The following DNAH7 variants were observed in gnomAD, a reference collection of about 807,000 sequenced individuals.
DNAH7 encodes the protein axonemal beta dynein heavy chain 7.
In DNAH7, 397 loss-of-function variants were observed where a neutral mutation model predicts 444.6. That is an observed-to-expected ratio of 0.89 (90% CI 0.82 to 0.97). The LOEUF is 0.97. DNAH7 is among the 50% of genes least tolerant of loss of function. DNAH7 has a pLI of 0.00. For synonymous variants in DNAH7, 1,636 were observed against 1,624.4 expected, an observed-to-expected ratio of 1.01 and a Z score of -0.17; for missense variants, 4,902 against 4,800.8, an observed-to-expected ratio of 1.02 and a Z score of -0.62.
intron 19 of DNAH7, among the ~76,000 whole-genome samples, chr2:195,949,494 G>C (rs1447690273): frequency 1.3e-5 from 2 of 152,280 alleles, no homozygotes; most frequent in East Asian, 3.9e-4. Context: ...TTGTTGGTCA[G>C]GCCGGTCTCG....
intron 54 of DNAH7, 138 bp downstream of exon 54, chr2:195,806,602 T>A: frequency 1.8e-6 from 1 of 568,278 alleles, no homozygotes; most frequent in Non-Finnish European, 2.9e-6. Context: ...AAAAAATGTC[T>A]GCATTAGAAA....
chr2:195,837,890 G>A (rs1193368652), intron 47 of DNAH7, among the ~76,000 whole-genome samples: 1 of 152,012 alleles, frequency 6.6e-6, no homozygotes, highest in Non-Finnish European at 1.5e-5. Context: ...ATGAAATTGT[G>A]CAATAGCAAG....
intron 62 of DNAH7, among the ~76,000 whole-genome samples, chr2:195,755,707 A>G (rs1694037068): frequency 6.6e-6 from 1 of 152,234 alleles, no homozygotes; most frequent in Non-Finnish European, 1.5e-5. Context: ...CCAGACAATT[A>G]GTAGATAGGC....
intron 29 of DNAH7, among the ~76,000 whole-genome samples, chr2:195,896,451 A>C (rs1039117626): frequency 6.6e-6 from 1 of 152,024 alleles, no homozygotes; most frequent in Non-Finnish European, 1.5e-5. Context: ...ACAAAGTCAC[A>C]AAGGTTTTCT....
rs536774998 is a variant in DNAH7, at chr2:195,844,864, T to C, written c.8945+138A>G. 57 of 658,756 alleles carry C rather than the reference T, an allele frequency of 8.7e-5. No homozygotes were observed. In the African/African-American group the frequency reaches 8.8e-4, roughly 10 times the overall value. The allele number at this position is 658,756 out of a possible 1,614,324, so 40.8% of individuals were successfully genotyped here. A position where few individuals can be genotyped will look rare whatever the true frequency, so the allele number is the denominator to read the frequency against. On this transcript the variant is annotated intron_variant, in intron 47 of 64. Transcript: ENST00000312428. ...AATATTAATAAGAGAAGGAAGTGAT[T>C]ACTCATACTTAATTTCACTAATTAG...
chr2:195,821,576 T>C (rs1574494521), intron 49 of DNAH7, among the ~76,000 whole-genome samples: 2 of 152,204 alleles, frequency 1.3e-5, no homozygotes, highest in Admixed American at 1.3e-4. Context: ...AGGGCTCATA[T>C]ATCACAGGAG....
chr2:196,045,533 A>G (rs1394482682), intron 5 of DNAH7, among the ~76,000 whole-genome samples: 1 of 152,086 alleles, frequency 6.6e-6, no homozygotes, highest in Non-Finnish European at 1.5e-5. Flanking sequence ...CTTAAAAAAA[A>G]TACAGAGAGA....
chr2:195,838,458 C>T (rs541843000), intron 47 of DNAH7, among the ~76,000 whole-genome samples: 5 of 150,898 alleles, frequency 3.3e-5, no homozygotes, highest in Non-Finnish European at 5.9e-5. Context: ...GAGACATTCT[C>T]AGGAGAAAAA....
chr2:195,819,267 T>C (rs1464728400), intron 49 of DNAH7, among the ~76,000 whole-genome samples: 2 of 152,162 alleles, frequency 1.3e-5, no homozygotes, highest in African/African-American at 4.8e-5. Context: ...TTACAGCACA[T>C]ATTACACTGT....
intron 5 of DNAH7, among the ~76,000 whole-genome samples, chr2:196,037,512 A>T (rs1255370832): frequency 6.6e-6 from 1 of 152,150 alleles, no homozygotes; most frequent in Non-Finnish European, 1.5e-5. Flanking sequence ...AATCAGAAAA[A>T]CTCATAAGCT....
At chr2:195,782,766 C>G (rs1441762611) in intron 58 of DNAH7, among the ~76,000 whole-genome samples, 1 of 152,174 alleles carries the variant, frequency 6.6e-6, no homozygotes, top group Non-Finnish European at 1.5e-5. Context: ...ATTTACTCAG[C>G]TTGCTCGCTC....
intron 45 of DNAH7, 150 bp downstream of exon 45, chr2:195,855,661 C>T: frequency 4.1e-6 from 3 of 724,106 alleles, no homozygotes; most frequent in Non-Finnish European, 4.3e-6. Flanking sequence ...CACACGAAAA[C>T]AGGCGATGGG....
intron 17 of DNAH7, among the ~76,000 whole-genome samples, chr2:195,965,517 C>G (rs1487414238): frequency 6.6e-6 from 1 of 151,936 alleles, no homozygotes; most frequent in Non-Finnish European, 1.5e-5. Context: ...CTATATTTTT[C>G]AGAATAGTTT....
At chr2:195,779,173 T>C (rs1186266323) in intron 58 of DNAH7, among the ~76,000 whole-genome samples, 6 of 152,222 alleles carry the variant, frequency 3.9e-5, no homozygotes, top group African/African-American at 1.2e-4. Flanking sequence ...CACAAATTCC[T>C]ATATGACTTC....
At chr2:195,898,246 A>AT (rs879273101) in intron 28 of DNAH7, among the ~76,000 whole-genome samples, 18 of 151,672 alleles carry the variant, frequency 1.2e-4, no homozygotes, top group African/African-American at 1.9e-4. Context: ...GTTAGGCACA[A>AT]TTTTTTTTTC....
At chr2:196,021,550 A>C (rs1027308999) in intron 8 of DNAH7, among the ~76,000 whole-genome samples, 4 of 151,914 alleles carry the variant, frequency 2.6e-5, no homozygotes, top group African/African-American at 7.3e-5. Flanking sequence ...CCAGGCACAG[A>C]GGCTCACACC....
chr2:196,047,531 A>G, intron 4 of DNAH7, 32 bp from the exon 5 acceptor site: 2 of 1,509,754 alleles, frequency 1.3e-6, no homozygotes, highest in Non-Finnish European at 1.8e-6. Flanking sequence ...AAGCACAATT[A>G]TTCATCTAAA....
intron 51 of DNAH7, among the ~76,000 whole-genome samples, chr2:195,810,738 G>T (rs1473997390): frequency 6.6e-6 from 1 of 150,854 alleles, no homozygotes; most frequent in Non-Finnish European, 1.5e-5. Context: ...ATTTTTAATT[G>T]GGAACTTCAA....
intron 44 of DNAH7, among the ~76,000 whole-genome samples, chr2:195,856,588 A>T (rs1311168037): frequency 6.6e-6 from 1 of 152,238 alleles, no homozygotes; most frequent in Admixed American, 6.5e-5. Flanking sequence ...ATTGGATATG[A>T]GTTTGAAAAA....
Sources: gnomAD v4.1 joint callset for allele counts (sites outside exome capture counted in the v4.1 genomes callset) on GRCh38, gnomAD v4.1.1 for gene constraint, MANE v1.5 for transcripts, NCBI Gene and HGNC (gene_info 2026-07-23, HGNC 2026-07-21) for gene names.